Variants in PIEZO2 observed in about 807,000 individuals in gnomAD.
The protein encoded by PIEZO2 is piezo-type mechanosensitive ion channel component 2.
Under a neutral mutation model 337.3 loss-of-function variants are expected in PIEZO2, and 172 were observed. That is an observed-to-expected ratio of 0.51 (90% CI 0.45 to 0.58). The LOEUF is 0.58. PIEZO2 is among the 20% of genes least tolerant of loss of function. The probability of loss-of-function intolerance (pLI) is 0.00; values close to 1 mark genes in which losing one functional copy is unlikely to be tolerated. For synonymous variants in PIEZO2, 1,251 were observed against 1,228.5 expected, an observed-to-expected ratio of 1.02 and a Z score of -0.38; for missense variants, 3,028 against 3,391.3, an observed-to-expected ratio of 0.89 and a Z score of 2.66.
rs1239533631 is a variant in PIEZO2 at position 10,797,365 on chromosome 18, C to A, written c.1527+9G>T. Reference sequence around the variant, plus strand: ...TATCATATTATACCTATCATCATATCATACATACCATCATAGCTATGAGGG... The same window carrying A: ...TATCATATTATACCTATCATCATATAATACATACCATCATAGCTATGAGGG... On this transcript the variant is annotated intron_variant, in intron 12 of 55. Transcript: ENST00000674853. 1 of 1,521,766 alleles carries A rather than the reference C, an allele frequency of 6.6e-7. No homozygotes were observed. The highest frequency in any genetic ancestry group is 8.8e-7 in the Non-Finnish European group (1 of 1,133,228). The allele number at this position is 1,521,766 out of a possible 1,614,324, so 94.3% of individuals were successfully genotyped here. A position where few individuals can be genotyped will look rare whatever the true frequency, so the allele number is the denominator to read the frequency against.
chr18:10,738,590 A>C (rs2037100528), intron 33 of PIEZO2: 1 of 152,236 alleles, frequency 6.6e-6, no homozygotes, highest in Admixed American at 6.5e-5. Flanking sequence ...TAGTGAGTAG[A>C]AAAGCTCTTA....
At position 11,009,241 on chromosome 18, in the gene PIEZO2, G is replaced by C. The variant is rs1372241128; in HGVS notation, c.161-29581C>G. The stretch of plus-strand genomic sequence containing the variant: ...CTTATTAAATAATTTTCAATGAATT[G>C]CTGAGTCTCTGAAGAGTGCTGGGCT... On this transcript the variant is annotated intron_variant, in intron 2 of 55. Transcript: ENST00000674853. This position sits in a 1 kb window ranked among gnomAD's most constrained non-coding sequence, Gnocchi z 4.6. 6.6e-6 allele frequency among the ~76,000 whole-genome samples: 1 copy of C among 152,198 alleles called. No homozygotes were observed. The highest frequency in any genetic ancestry group is 1.5e-5 in the Non-Finnish European group (1 of 68,034).
chr18:10,910,592 T>TA (rs941899950), intron 4 of PIEZO2, among the ~76,000 whole-genome samples: 16 of 147,394 alleles, frequency 1.1e-4, no homozygotes, highest in South Asian at 2.2e-4. Context: ...CAACAAAATT[T>TA]AAAAAAAAAG....
In PIEZO2 at chr18:10,834,525, G is replaced by C. The variant is rs1441896029; in HGVS notation, c.917+20828C>G. Among the ~76,000 whole-genome samples, 1 of 152,174 alleles carries C rather than the reference G, an allele frequency of 6.6e-6. No individual in the cohort carries two copies. Among genetic ancestry groups the C allele is most frequent in the African/African-American group, 2.4e-5 (1 of 41,442 alleles). On this transcript the variant is annotated intron_variant, in intron 7 of 55. Coordinates refer to ENST00000674853, the MANE Select transcript of PIEZO2 (RefSeq NM_001378183.1). This position sits in a 1 kb window ranked among gnomAD's most constrained non-coding sequence, Gnocchi z 4.5. ...TAATCCCTCATGATGGAGTCACAGA[G>C]TCTTTTTGGGAGAATGCAACAGAAT...
rs1567937973 is a variant in PIEZO2, at chr18:10,677,755, T to G, written c.8073A>C (p.Lys2691Asn). The G allele has an allele frequency of 6.2e-7, 1 of 1,609,078 alleles. No individual in the cohort carries two copies. Among genetic ancestry groups the G allele is most frequent in the African/African-American group, 1.3e-5 (1 of 74,734 alleles). ...GGAAAAAATACACTTACACTGGTGT[T>G]TTTGAACTTTCTGTGCTGTTGCCTG... ...MIAGNSTESSKTPVTIEKIYP... is the reference protein window; with the variant it reads ...MIAGNSTESSNTPVTIEKIYP... The change falls in exon 53 of 56, where the codon AAA becomes AAC. Residue 2691 changes from lysine (K) to asparagine (N), a missense_variant. Around this residue, in one of 5 missense-constraint regions of PIEZO2, gnomAD observed 332 missense variants for 363.8 expected, o/e 0.91. Coordinates refer to ENST00000674853, the MANE Select transcript of PIEZO2 (RefSeq NM_001378183.1). This position sits in a 1 kb window ranked among gnomAD's most constrained non-coding sequence, Gnocchi z 4.1.
rs57775363 is a variant in PIEZO2, at chr18:10,689,469, TGAC to T, written c.7497+183_7497+185del. On this transcript the variant is annotated intron_variant, in intron 49 of 55. Coordinates refer to ENST00000674853, the MANE Select transcript of PIEZO2 (RefSeq NM_001378183.1). Reference sequence around the variant, plus strand: ...AAAGAAGAAAACATCTGGATGCTATTGACGACTATGACGGCAGTAAGTCTAAAT... The same window carrying T: ...AAAGAAGAAAACATCTGGATGCTATTGACTATGACGGCAGTAAGTCTAAAT... Among the ~76,000 whole-genome samples, 23,765 of 152,112 alleles carry T rather than the reference TGAC, an allele frequency of 0.16. 2,141 individuals carry two copies. The highest frequency in any genetic ancestry group is 0.31 in the East Asian group (1,574 of 5,150).
At chr18:10,739,199 C>A (rs1287806374) in intron 33 of PIEZO2, 1 of 152,158 alleles carries the variant, frequency 6.6e-6, no homozygotes, top group East Asian at 1.9e-4. Context: ...CATTTTGCAG[C>A]AAAAAATTTA....
chr18:11,037,912 T>G (rs1299665941), intron 2 of PIEZO2, among the ~76,000 whole-genome samples: 1 of 152,224 alleles, frequency 6.6e-6, no homozygotes, highest in Non-Finnish European at 1.5e-5. Flanking sequence ...TGCAAACGAA[T>G]TTTCCTTTCC....
intron 30 of PIEZO2, among the ~76,000 whole-genome samples, chr18:10,745,505 C>T (rs929268318): frequency 6.6e-6 from 1 of 152,068 alleles, no homozygotes; most frequent in Non-Finnish European, 1.5e-5. Flanking sequence ...GCTTTGACCC[C>T]ACTGTCAAGG....
At position 11,019,001 on chromosome 18, in the gene PIEZO2, G is replaced by A. The variant is rs370294312; in HGVS notation, c.161-39341C>T. On this transcript the variant is annotated intron_variant, in intron 2 of 55. Transcript: ENST00000674853. Reference sequence around the variant, plus strand: ...TGAGATCAACCCCAAAATTCAGGACGGAGCCTTGATTTTTTGTGCCCTTCA... The same window carrying A: ...TGAGATCAACCCCAAAATTCAGGACAGAGCCTTGATTTTTTGTGCCCTTCA... Among the ~76,000 whole-genome samples, 47 of 152,156 alleles carry A rather than the reference G, an allele frequency of 3.1e-4. 1 individual carries two copies. Among genetic ancestry groups the A allele is most frequent in the African/African-American group, 9.2e-4 (38 of 41,520 alleles).
chr18:11,095,482 G>C (rs1403843708), intron 1 of PIEZO2, among the ~76,000 whole-genome samples: 2 of 152,130 alleles, frequency 1.3e-5, no homozygotes, highest in Non-Finnish European at 2.9e-5. Context: ...TAGAACACAG[G>C]TCAACATTGG....
intron 2 of PIEZO2, among the ~76,000 whole-genome samples, chr18:10,990,688 AT>A (rs2035055049): frequency 6.6e-6 from 1 of 151,382 alleles, no homozygotes; most frequent in South Asian, 2.1e-4. Context: ...ATATTATATA[AT>A]TTTATATTTA....
At chr18:10,779,189 T>G (rs2038894358) in intron 18 of PIEZO2, among the ~76,000 whole-genome samples, 1 of 152,228 alleles carries the variant, frequency 6.6e-6, no homozygotes, top group East Asian at 1.9e-4. Context: ...GGTTAGAAGT[T>G]CTGCCTCTTA....
At chr18:11,075,486 A>T (rs1244176817) in intron 1 of PIEZO2, among the ~76,000 whole-genome samples, 4 of 152,212 alleles carry the variant, frequency 2.6e-5, no homozygotes, top group Admixed American at 2.6e-4. Context: ...TGAAACCGTA[A>T]ATGTCTCAAA....
intron 7 of PIEZO2, among the ~76,000 whole-genome samples, chr18:10,831,834 C>T (rs183070063): frequency 1.4e-3 from 213 of 152,322 alleles, no homozygotes; most frequent in Non-Finnish European, 2.5e-3. Context: ...TGACATTCCA[C>T]ATCCCATCTC....
chr18:10,787,963 CAT>C lies in PIEZO2; in HGVS notation c.2170-781_2170-780del, dbSNP rs59831673. Reference sequence around the variant, plus strand: ...ATATGAAAGCAGTCAATGCACTATACATATATATATATGTACACAAAGAGCAG... The same window carrying C: ...ATATGAAAGCAGTCAATGCACTATACATATATATATGTACACAAAGAGCAG... On this transcript the variant is annotated intron_variant, in intron 15 of 55. Transcript: ENST00000674853. Among the ~76,000 whole-genome samples the C allele has an allele frequency of 9.9e-3, 1,500 of 151,782 alleles. 29 individuals are homozygous for C. The highest frequency in any genetic ancestry group is 0.035 in the African/African-American group (1,434 of 41,396).
rs2040702343 is a variant in PIEZO2, at chr18:11,143,065, C to T, written c.64+5460G>A. Reference sequence around the variant, plus strand: ...CTGCACTCCAGCCTGGGTGACAGAGCAAGACTCCGTCTCAAAAAAAAGAAA... The same window carrying T: ...CTGCACTCCAGCCTGGGTGACAGAGTAAGACTCCGTCTCAAAAAAAAGAAA... On this transcript the variant is annotated intron_variant, in intron 1 of 55. Coordinates refer to ENST00000674853, the MANE Select transcript of PIEZO2 (RefSeq NM_001378183.1). The surrounding 1 kb of genome is among the most constrained non-coding windows in gnomAD (Gnocchi z 4.9). Among the ~76,000 whole-genome samples, 1 of 152,016 alleles carries T rather than the reference C, an allele frequency of 6.6e-6. No homozygotes were observed. The highest frequency in any genetic ancestry group is 6.6e-5 in the Admixed American group (1 of 15,260).
intron 1 of PIEZO2, among the ~76,000 whole-genome samples, chr18:11,088,972 C>A (rs1261867813): frequency 6.6e-6 from 1 of 152,200 alleles, no homozygotes; most frequent in Non-Finnish European, 1.5e-5. Context: ...ATGCAAAGAA[C>A]AGTTTAAATT....
At chr18:11,122,120 A>AT (rs1193510787) in intron 1 of PIEZO2, among the ~76,000 whole-genome samples, 20 of 151,798 alleles carry the variant, frequency 1.3e-4, no homozygotes, top group South Asian at 2.1e-4. Flanking sequence ...TGCCCAGCTA[A>AT]TTTTTTTTGT....
Sources: allele counts gnomAD v4.1 joint callset (sites outside exome capture counted in the v4.1 genomes callset), GRCh38; gene constraint gnomAD v4.1.1; regional missense constraint gnomAD v4.1.1; non-coding constraint Gnocchi (gnomAD v3.1); transcripts MANE v1.5; gene names NCBI Gene and HGNC (gene_info 2026-07-23, HGNC 2026-07-21).